NTM: variants seen among roughly 807,000 people sequenced by gnomAD.
NTM encodes neurotrimin.
Under a neutral mutation model 42.1 loss-of-function variants are expected in NTM, and 13 were observed. The observed-to-expected ratio is 0.31, with a 90% CI of 0.20 to 0.49. The LOEUF (loss-of-function observed/expected upper bound fraction) is 0.49, where lower values mean the gene tolerates loss of function less well. Ranked by LOEUF, NTM falls within the 20% of genes least tolerant of loss-of-function variation. The pLI is 0.99. For missense variants in NTM, 373 were observed against 452.8 expected, an observed-to-expected ratio of 0.82 and a Z score of 1.60; for synonymous variants, 187 against 179.2, an observed-to-expected ratio of 1.04 and a Z score of -0.35.
intron 1 of NTM, among the ~76,000 whole-genome samples, chr11:131,480,401 A>G (rs1219586708): frequency 1.3e-5 from 2 of 152,046 alleles, no homozygotes; most frequent in Non-Finnish European, 2.9e-5. Flanking sequence ...GATACTAGGC[A>G]TTTTCACCAA....
chr11:131,746,876 C>T (rs2081898999), intron 1 of NTM, among the ~76,000 whole-genome samples: 1 of 152,166 alleles, frequency 6.6e-6, no homozygotes, highest in Non-Finnish European at 1.5e-5. Context: ...AATCAGAGGA[C>T]TGGAGCTGAG....
chr11:132,104,937 G>GTGTGTGTGTATGTATATATA (rs1169190929), intron 2 of NTM, among the ~76,000 whole-genome samples: 1 of 61,824 alleles, frequency 1.6e-5, no homozygotes, highest in African/African-American at 6.0e-5. Flanking sequence ...ATATACATAT[G>GTGTGTGTGTATGTATATATA]TATATATATA....
chr11:131,695,205 G>T (rs777632470), intron 1 of NTM, among the ~76,000 whole-genome samples: 10 of 140,610 alleles, frequency 7.1e-5, no homozygotes, highest in Non-Finnish European at 1.0e-4. Context: ...ATAGGCACTG[G>T]GTTTGTATAA....
rs61187126 is a variant in NTM, at chr11:131,908,350, T to A, written c.83-3214T>A. Among the ~76,000 whole-genome samples the A allele has an allele frequency of 3.4e-3, 520 of 152,350 alleles. 2 individuals carry two copies. The highest frequency in any genetic ancestry group is 0.012 in the African/African-American group (504 of 41,580). On this transcript the variant is annotated intron_variant, in intron 1 of 8. Transcript: ENST00000683400. ...TCTAAGTATTTTCCTGTAGAGTTAA[T>A]CATATATGTAGGCCCCTCGGGAAAG...
intron 2 of NTM, among the ~76,000 whole-genome samples, chr11:132,068,415 T>A (rs991966037): frequency 1.3e-5 from 2 of 151,942 alleles, no homozygotes; most frequent in African/African-American, 2.4e-5. Context: ...CAGCTAAGTT[T>A]CTGCTTCTGT....
At chr11:131,885,538 C>G (rs79559708) in intron 1 of NTM, among the ~76,000 whole-genome samples, 5,645 of 152,272 alleles carry the variant, frequency 0.037, 371 homozygotes, top group African/African-American at 0.13. Flanking sequence ...CGCTCTTCCT[C>G]AGGGGCTGAG....
chr11:131,750,811 A>T (rs192089276), intron 1 of NTM, among the ~76,000 whole-genome samples: 359 of 152,176 alleles, frequency 2.4e-3, no homozygotes, highest in Non-Finnish European at 3.7e-3. Context: ...GTGACTTTCT[A>T]TTCCACTTTG....
At chr11:131,749,425 A>G (rs936409708) in intron 1 of NTM, among the ~76,000 whole-genome samples, 6 of 152,212 alleles carry the variant, frequency 3.9e-5, no homozygotes, top group Non-Finnish European at 7.3e-5. Flanking sequence ...TGGCAAGAAG[A>G]ATGCATGTCA....
chr11:131,523,782 C>CAAAAAAAAAAAA (rs3040114), intron 1 of NTM, among the ~76,000 whole-genome samples: 9 of 72,174 alleles, frequency 1.2e-4, no homozygotes, highest in Non-Finnish European at 2.4e-4. Context: ...GACTCCATCT[C>CAAAAAAAAAAAA]AAAAAAAAAA....
intron 1 of NTM, among the ~76,000 whole-genome samples, chr11:131,762,449 T>C (rs560340942): frequency 6.6e-6 from 1 of 152,314 alleles, no homozygotes; most frequent in African/African-American, 2.4e-5. Context: ...CCCCGTAGCA[T>C]AGGGACATGG....
At chr11:131,736,484 G>A (rs1246132240) in intron 1 of NTM, among the ~76,000 whole-genome samples, 1 of 152,164 alleles carries the variant, frequency 6.6e-6, no homozygotes, top group African/African-American at 2.4e-5. Flanking sequence ...AAGCTCTGTG[G>A]TGCCCGGTGG....
chr11:132,148,633 T>G (rs1566301787), intron 3 of NTM, among the ~76,000 whole-genome samples: 1 of 152,290 alleles, frequency 6.6e-6, no homozygotes, highest in East Asian at 1.9e-4. Context: ...TTTTGTCATT[T>G]TCTTTCTTCA....
intron 2 of NTM, among the ~76,000 whole-genome samples, chr11:132,028,793 A>C (rs1281387662): frequency 6.6e-6 from 1 of 152,122 alleles, no homozygotes; most frequent in Non-Finnish European, 1.5e-5. Context: ...AACAGGATGC[A>C]TGTGTCATAT....
intron 4 of NTM, among the ~76,000 whole-genome samples, chr11:132,272,646 G>C (rs2093537353): frequency 1.3e-5 from 2 of 152,062 alleles, no homozygotes; most frequent in Admixed American, 1.3e-4. Context: ...GGTAAAAAGA[G>C]TTGCTTTTGT....
intron 1 of NTM, among the ~76,000 whole-genome samples, chr11:131,575,062 TTC>T (rs1349019817): frequency 6.6e-6 from 1 of 152,160 alleles, no homozygotes; most frequent in Non-Finnish European, 1.5e-5. Context: ...CTCAAAATTT[TTC>T]TCAGAAAACC....
intron 1 of NTM, among the ~76,000 whole-genome samples, chr11:131,371,736 TG>T (rs1179154084): frequency 6.7e-6 from 1 of 150,054 alleles, no homozygotes; most frequent in East Asian, 2.1e-4. Flanking sequence ...CTCTCACGTC[TG>T]TTCGTTCCAG....
intron 1 of NTM, among the ~76,000 whole-genome samples, chr11:131,517,339 C>T (rs1055293463): frequency 6.6e-6 from 1 of 152,204 alleles, no homozygotes; most frequent in Admixed American, 6.5e-5. Context: ...GGACCACAGA[C>T]TCAGAAACTC....
At chr11:132,064,658 A>G (rs955709692) in intron 2 of NTM, among the ~76,000 whole-genome samples, 3 of 152,196 alleles carry the variant, frequency 2.0e-5, no homozygotes, top group East Asian at 1.9e-4. Flanking sequence ...CACACAGTGC[A>G]GGAAACAAAC....
intron 1 of NTM, among the ~76,000 whole-genome samples, chr11:131,441,809 A>T (rs992891534): frequency 2.0e-4 from 30 of 152,330 alleles, no homozygotes; most frequent in African/African-American, 6.5e-4. Context: ...ATCTCTCTGT[A>T]GCTTTTCCAG....
Sources: allele counts gnomAD v4.1 joint callset (sites outside exome capture counted in the v4.1 genomes callset), GRCh38; gene constraint gnomAD v4.1.1; transcripts MANE v1.5; gene names NCBI Gene and HGNC (gene_info 2026-07-23, HGNC 2026-07-21).